The following NHSL3 variants were observed in gnomAD, a reference collection of about 807,000 sequenced individuals.
NHSL3 encodes the protein NHS-like protein 3.
the NHSL3 span, chr1:32,772,972 A>G: frequency 5.9e-6 from 8 of 1,345,646 alleles, no homozygotes; most frequent in East Asian, 1.6e-4. Flanking sequence ...GAGAGGATAC[A>G]GCAGACACAA....
chr1:32,772,142 C>G, the NHSL3 span: 117 of 1,613,334 alleles, frequency 7.3e-5, 1 homozygote, highest in Middle Eastern at 8.3e-4. Flanking sequence ...CGGCCCGTGT[C>G]CCCTGAGACC....
the NHSL3 span, chr1:32,768,197 G>A: frequency 9.9e-7 from 1 of 1,011,570 alleles, no homozygotes; most frequent in Admixed American, 1.8e-5. Context: ...ACATTTCTGG[G>A]TCTCAGTTTC....
chr1:32,750,500 C>T, the NHSL3 span, among the ~76,000 whole-genome samples: 3 of 152,138 alleles, frequency 2.0e-5, no homozygotes, highest in Middle Eastern at 3.4e-3. Flanking sequence ...TGAGGTCTTC[C>T]CCACCATTTT....
chr1:32,750,961 G>A, the NHSL3 span, among the ~76,000 whole-genome samples: 7 of 151,830 alleles, frequency 4.6e-5, no homozygotes, highest in East Asian at 5.8e-4. Flanking sequence ...ACAGGTGCCC[G>A]CCACCATGCC....
chr1:32,772,751 G>A, the NHSL3 span: 5 of 1,072,568 alleles, frequency 4.7e-6, no homozygotes, highest in African/African-American at 1.6e-5. Context: ...TGCGGGCACT[G>A]TCAGTAAATC....
At chr1:32,763,368 G>A in the NHSL3 span, among the ~76,000 whole-genome samples, 4 of 152,186 alleles carry the variant, frequency 2.6e-5, no homozygotes, top group South Asian at 8.3e-4. Flanking sequence ...GCTCTCCTCT[G>A]ATTCCGTCTC....
chr1:32,762,548 G>A, the NHSL3 span, among the ~76,000 whole-genome samples: 47 of 150,472 alleles, frequency 3.1e-4, no homozygotes, highest in African/African-American at 1.1e-3. Flanking sequence ...CTGTAACCTC[G>A]AACTCCTGGG....
chr1:32,772,133 G>T, the NHSL3 span: 3 of 1,613,152 alleles, frequency 1.9e-6, no homozygotes, highest in Admixed American at 3.3e-5. Flanking sequence ...CAGCTGGAGC[G>T]GCCCGTGTCC....
chr1:32,770,167 G>A, the NHSL3 span: 1 of 1,597,864 alleles, frequency 6.3e-7, no homozygotes, highest in Non-Finnish European at 8.5e-7. This position sits in a 1 kb window ranked among gnomAD's most constrained non-coding sequence, Gnocchi z 8.3. Context: ...TGGATTGACA[G>A]GAGGGGCAGG....
At chr1:32,742,111 G>A in the NHSL3 span, 10 of 1,249,456 alleles carry the variant, frequency 8.0e-6, no homozygotes, top group Non-Finnish European at 8.0e-6. Context: ...GGCGGCGGGG[G>A]CCGAGGGCGC....
chr1:32,772,591 C>T, the NHSL3 span: 3 of 1,346,412 alleles, frequency 2.2e-6, no homozygotes, highest in East Asian at 7.6e-5. Context: ...TGCTGGGGCC[C>T]AGAGGAGAAT....
chr1:32,762,825 T>C, the NHSL3 span, among the ~76,000 whole-genome samples: 1 of 152,044 alleles, frequency 6.6e-6, no homozygotes, highest in African/African-American at 2.4e-5. Context: ...CCTGACCTCG[T>C]GATCCACCCA....
chr1:32,755,877 G>T, the NHSL3 span, among the ~76,000 whole-genome samples: 9 of 152,162 alleles, frequency 5.9e-5, no homozygotes, highest in Non-Finnish European at 1.2e-4. Context: ...GCACTAAGGG[G>T]GCAGGGCTGG....
At chr1:32,763,845 A>G in the NHSL3 span, among the ~76,000 whole-genome samples, 1 of 152,062 alleles carries the variant, frequency 6.6e-6, no homozygotes, top group Non-Finnish European at 1.5e-5. Context: ...AAGTGCTGGG[A>G]TTACAGGTGT....
chr1:32,772,757 AAATC>A, the NHSL3 span: 2 of 1,133,146 alleles, frequency 1.8e-6, no homozygotes, highest in Admixed American at 3.5e-5. Context: ...CACTGTCAGT[AAATC>A]AAAGCGGTAA....
At chr1:32,774,527 C>T in the NHSL3 span, 60 of 152,452 alleles carry the variant, frequency 3.9e-4, no homozygotes, top group African/African-American at 1.4e-3. Context: ...TACCCCACCC[C>T]CTAGGATCCA....
chr1:32,772,045 C>A, the NHSL3 span: 1 of 1,608,512 alleles, frequency 6.2e-7, no homozygotes, highest in Non-Finnish European at 8.5e-7. Context: ...CAACGGACCG[C>A]CTGAGGCAGA....
the NHSL3 span, among the ~76,000 whole-genome samples, chr1:32,744,685 A>G: frequency 3.9e-5 from 6 of 152,286 alleles, no homozygotes; most frequent in African/African-American, 1.4e-4. Context: ...AGCAAGCCCC[A>G]TGATGTAGGA....
At chr1:32,748,541 A>C in the NHSL3 span, among the ~76,000 whole-genome samples, 3 of 152,098 alleles carry the variant, frequency 2.0e-5, no homozygotes, top group African/African-American at 4.8e-5. Flanking sequence ...TCACTTTGCT[A>C]TCCAGTGAAC....
Sources: gnomAD v4.1 joint callset for allele counts (sites outside exome capture counted in the v4.1 genomes callset) on GRCh38, gnomAD v4.1.1 for gene constraint, Gnocchi (gnomAD v3.1) non-coding constraint, MANE v1.5 for transcripts, NCBI Gene and HGNC (gene_info 2026-07-23, HGNC 2026-07-21) for gene names.